The following MSRA variants were observed in gnomAD, a reference collection of about 807,000 sequenced individuals.
MSRA encodes methionine sulfoxide reductase A, also known as mitochondrial peptide methionine sulfoxide reductase.
A neutral mutation model predicts 31.3 loss-of-function variants in MSRA; 54 were observed. The ratio of observed to expected loss-of-function variants is 1.73; its 90% CI spans 1.39 to 2.17. MSRA has a LOEUF of 2.17. Ranked by LOEUF, MSRA falls within the 30% of genes most tolerant of loss-of-function variation. The pLI is 0.00. For missense variants in MSRA, 507 were observed against 300.9 expected (o/e 1.69, Z -5.07); for synonymous variants, 169 against 116.5 (o/e 1.45, Z -2.90).
chr8:10,157,219 G>C (rs1263975089), intron 1 of MSRA, among the ~76,000 whole-genome samples: 1 of 152,066 alleles, frequency 6.6e-6, no homozygotes, highest in Non-Finnish European at 1.5e-5. Context: ...ATTCATGGTA[G>C]TAAAGATCTC....
intron 2 of MSRA, among the ~76,000 whole-genome samples, chr8:10,211,129 A>G (rs1425174396): frequency 1.3e-5 from 2 of 152,176 alleles, no homozygotes; most frequent in African/African-American, 4.8e-5. Flanking sequence ...CACTCTACAG[A>G]TGACCATTGA....
At chr8:10,311,513 C>T (rs1801430705) in intron 4 of MSRA, among the ~76,000 whole-genome samples, 1 of 152,172 alleles carries the variant, frequency 6.6e-6, no homozygotes, top group African/African-American at 2.4e-5. Flanking sequence ...GAACATATTC[C>T]AGGCCATAAA....
At chr8:10,128,339 A>G (rs1366374892) in intron 1 of MSRA, among the ~76,000 whole-genome samples, 2 of 151,922 alleles carry the variant, frequency 1.3e-5, no homozygotes, top group Non-Finnish European at 2.9e-5. Context: ...AGATTGCACC[A>G]TTGCACTCCA....
At chr8:10,140,623 G>A (rs969888597) in intron 1 of MSRA, among the ~76,000 whole-genome samples, 1 of 152,070 alleles carries the variant, frequency 6.6e-6, no homozygotes, top group Non-Finnish European at 1.5e-5. Context: ...TAATTTCTCG[G>A]TTTCTCTATT....
intron 5 of MSRA, among the ~76,000 whole-genome samples, chr8:10,423,551 A>G (rs1426472454): frequency 1.3e-5 from 2 of 152,124 alleles, no homozygotes; most frequent in East Asian, 3.9e-4. Flanking sequence ...TCTGTAACCC[A>G]GAGGTGACAG....
chr8:10,122,660 AT>A (rs1243050843), intron 1 of MSRA, among the ~76,000 whole-genome samples: 1 of 151,612 alleles, frequency 6.6e-6, no homozygotes, highest in Non-Finnish European at 1.5e-5. Flanking sequence ...CCCAATAGTT[AT>A]TTTTTCTGCT....
chr8:10,138,865 G>C (rs111599123), intron 1 of MSRA, among the ~76,000 whole-genome samples: 3 of 151,758 alleles, frequency 2.0e-5, no homozygotes, highest in African/African-American at 7.2e-5. Flanking sequence ...AATGATAGCA[G>C]CAGCAGCAGC....
intron 3 of MSRA, among the ~76,000 whole-genome samples, chr8:10,296,605 T>C (rs1227295631): frequency 2.0e-5 from 3 of 152,218 alleles, no homozygotes; most frequent in Non-Finnish European, 4.4e-5. Context: ...ATTATGATAA[T>C]ACAACTGAGA....
intron 2 of MSRA, among the ~76,000 whole-genome samples, chr8:10,216,448 C>G (rs1253024901): frequency 6.6e-6 from 1 of 152,084 alleles, no homozygotes; most frequent in African/African-American, 2.4e-5. Context: ...TCATTGTAAC[C>G]ATTTTTTAAG....
chr8:10,191,019 G>A lies in MSRA; in HGVS notation c.143-16814G>A, dbSNP rs114400999. 5.1e-3 allele frequency among the ~76,000 whole-genome samples: 773 copies of A among 152,260 alleles called. 1 individual carries two copies. Among genetic ancestry groups the A allele is most frequent in the South Asian group, 1.0e-2 (48 of 4,824 alleles). On this transcript the variant is annotated intron_variant, in intron 1 of 5. Coordinates refer to ENST00000317173, the MANE Select transcript of MSRA (RefSeq NM_012331.5). ...TCATGACCGTGAGCAGAGATGTTGAGGATTTTATGAGACACTATAAGCATA... is the reference window on the plus strand; with the variant it reads ...TCATGACCGTGAGCAGAGATGTTGAAGATTTTATGAGACACTATAAGCATA...
At position 10,151,542 on chromosome 8, in the gene MSRA, C is replaced by A. The variant is rs1034666045; in HGVS notation, c.143-56291C>A. Among the ~76,000 whole-genome samples, 3 of 152,076 alleles carry A rather than the reference C, an allele frequency of 2.0e-5. No individual in the cohort carries two copies. The South Asian group carries it at 6.3e-4, about 32-fold the overall frequency. On this transcript the variant is annotated intron_variant, in intron 1 of 5. Coordinates refer to ENST00000317173, the MANE Select transcript of MSRA (RefSeq NM_012331.5). ...GCAGGTGCCTGTAGTCCCAGCTACT[C>A]GGGAGGCTGAGCCAGGAGAATGGTG...
intron 2 of MSRA, among the ~76,000 whole-genome samples, chr8:10,243,267 G>C (rs191113224): frequency 2.6e-5 from 4 of 151,976 alleles, no homozygotes; most frequent in Non-Finnish European, 5.9e-5. Context: ...TTTAGGGGTG[G>C]GCTGCCTTCT....
At chr8:10,421,207 C>T (rs1382475132) in intron 5 of MSRA, among the ~76,000 whole-genome samples, 3 of 152,148 alleles carry the variant, frequency 2.0e-5, no homozygotes, top group Non-Finnish European at 4.4e-5. Context: ...AGTCAGGAGC[C>T]AGGGTTCAGG....
At position 10,221,567 on chromosome 8, in the gene MSRA, A is replaced by G. The variant is rs147560373; in HGVS notation, c.211+13666A>G. On this transcript the variant is annotated intron_variant, in intron 2 of 5. Transcript: ENST00000317173. Reference sequence around the variant, plus strand: ...AACTAGTTAATGGCCTGGCACTGAGATTATTTATTCACATGTTCATCAGAT... The same window carrying G: ...AACTAGTTAATGGCCTGGCACTGAGGTTATTTATTCACATGTTCATCAGAT... Among the ~76,000 whole-genome samples the G allele has an allele frequency of 9.2e-5, 14 of 152,210 alleles. No homozygotes were observed. In the South Asian group the frequency reaches 1.0e-3, roughly 11 times the overall value.
intron 3 of MSRA, among the ~76,000 whole-genome samples, chr8:10,296,721 C>T (rs893390225): frequency 1.3e-5 from 2 of 152,214 alleles, no homozygotes; most frequent in Admixed American, 6.5e-5. Context: ...AAGGCCCCCC[C>T]AGCATGGGTG....
intron 5 of MSRA, among the ~76,000 whole-genome samples, chr8:10,372,381 A>G (rs1471151677): frequency 1.3e-5 from 2 of 152,234 alleles, no homozygotes; most frequent in African/African-American, 4.8e-5. Context: ...AGAGAAACAG[A>G]TTCCTTCTGC....
chr8:10,407,934 G>T (rs1807919128), intron 5 of MSRA, among the ~76,000 whole-genome samples: 2 of 152,168 alleles, frequency 1.3e-5, no homozygotes, highest in Admixed American at 6.5e-5. Context: ...AAGCTACACT[G>T]GAGATGCACC....
At chr8:10,171,958 G>C (rs770276018) in intron 1 of MSRA, among the ~76,000 whole-genome samples, 1 of 152,204 alleles carries the variant, frequency 6.6e-6, no homozygotes, top group Non-Finnish European at 1.5e-5. Flanking sequence ...ATCTGAAGTA[G>C]GTAATGGAAC....
chr8:10,278,966 CTG>C (rs761071031), intron 3 of MSRA, among the ~76,000 whole-genome samples: 7 of 152,056 alleles, frequency 4.6e-5, no homozygotes, highest in Non-Finnish European at 8.8e-5. Flanking sequence ...TGCCTAGTAA[CTG>C]GAATAGATTT....
Sources: gnomAD v4.1 joint callset for allele counts (sites outside exome capture counted in the v4.1 genomes callset) on GRCh38, gnomAD v4.1.1 for gene constraint, MANE v1.5 for transcripts, NCBI Gene and HGNC (gene_info 2026-07-23, HGNC 2026-07-21) for gene names.